The following ARID4A variants were observed in gnomAD, a reference collection of about 807,000 sequenced individuals.
ARID4A encodes AT-rich interaction domain 4A.
A neutral mutation model predicts 148.6 loss-of-function variants in ARID4A; 39 were observed. The observed-to-expected ratio is 0.26, with a 90% CI of 0.20 to 0.34. The LOEUF (loss-of-function observed/expected upper bound fraction) is 0.34, where lower values mean the gene tolerates loss of function less well. Among genes scored for constraint, ARID4A ranks in the 10% least tolerant of loss-of-function variants. The pLI is 1.00. For missense variants in ARID4A, 1,265 were observed against 1,449.1 expected (o/e 0.87, Z 2.06); for synonymous variants, 475 against 481.2 (o/e 0.99, Z 0.17).
chr14:58,316,829 C>T (rs2140158276), intron 5 of ARID4A, among the ~76,000 whole-genome samples: 1 of 152,210 alleles, frequency 6.6e-6, no homozygotes, highest in South Asian at 2.1e-4. Context: ...GTCCGCCCGC[C>T]TCGGCCTCCC....
chr14:58,314,987 C>T lies in ARID4A; in HGVS notation c.275-3555C>T, dbSNP rs187376429. On this transcript the variant is annotated intron_variant, in intron 5 of 23. Transcript: ENST00000355431. ...TACAGAAGTTAGCCGGGCCTGGTGA[C>T]GTGCACCTGTAATCCCAGCTACTTG... is the stretch of plus-strand genomic sequence containing the variant. Among the ~76,000 whole-genome samples, 25 of 152,080 alleles carry T rather than the reference C, an allele frequency of 1.6e-4. 1 individual carries two copies. In the South Asian group the frequency reaches 2.5e-3, roughly 15 times the overall value.
chr14:58,317,348 A>G (rs1310750269), intron 5 of ARID4A, among the ~76,000 whole-genome samples: 1 of 144,462 alleles, frequency 6.9e-6, no homozygotes, highest in East Asian at 2.1e-4. Context: ...GCAGTGGTGC[A>G]ATCTCGGCTC....
In ARID4A at chr14:58,324,371, G is replaced by T. The variant is rs539868670; in HGVS notation, c.582+754G>T. On this transcript the variant is annotated intron_variant, in intron 8 of 23. Transcript: ENST00000355431. ...GCTCACTGCAGCTTCAGCCTTTTGG[G>T]CTCAGGCGTTCCTCCTGTTTCAGCC... Among the ~76,000 whole-genome samples, 6 of 152,310 alleles carry T rather than the reference G, an allele frequency of 3.9e-5. No homozygotes were observed. The East Asian group carries it at 9.7e-4, about 25-fold the overall frequency.
chr14:58,328,715 C>T (rs926860335), intron 9 of ARID4A, among the ~76,000 whole-genome samples: 15 of 152,038 alleles, frequency 9.9e-5, no homozygotes, highest in African/African-American at 3.6e-4. Context: ...GACTTTTGGG[C>T]CGGGCGCAGT....
chr14:58,368,148 G>A (rs1246929594), intron 23 of ARID4A, among the ~76,000 whole-genome samples: 1 of 152,206 alleles, frequency 6.6e-6, no homozygotes, highest in Non-Finnish European at 1.5e-5. Flanking sequence ...ACCAGCCACA[G>A]CTGAGGGTAA....
At chr14:58,307,580 G>T (rs1247349000) in intron 5 of ARID4A, among the ~76,000 whole-genome samples, 4 of 152,172 alleles carry the variant, frequency 2.6e-5, no homozygotes, top group African/African-American at 9.7e-5. Context: ...AGCACTTTAG[G>T]GGGGCGAGGT....
At chr14:58,314,625 C>T (rs778734117) in intron 5 of ARID4A, among the ~76,000 whole-genome samples, 27 of 151,874 alleles carry the variant, frequency 1.8e-4, no homozygotes, top group Non-Finnish European at 3.8e-4. Flanking sequence ...GACGGGGTCT[C>T]GCTGTGTTAG....
intron 8 of ARID4A, 137 bp downstream of exon 8, chr14:58,323,754 A>G (rs964188670): frequency 1.4e-6 from 1 of 704,886 alleles, no homozygotes; most frequent in Non-Finnish European, 2.4e-6. Context: ...TTGAATAATC[A>G]TAGTCAGGTC....
At chr14:58,370,666 CA>C (rs1468702344) in intron 23 of ARID4A, among the ~76,000 whole-genome samples, 1 of 151,836 alleles carries the variant, frequency 6.6e-6, no homozygotes, top group Admixed American at 6.6e-5. Context: ...GACTGGAGTG[CA>C]GTGGCATGAT....
rs545972972 is a variant in ARID4A, at chr14:58,332,032, A to G, written c.906+1863A>G. Among the ~76,000 whole-genome samples the G allele has an allele frequency of 2.1e-5, 3 of 143,698 alleles. No homozygotes were observed. The East Asian group carries it at 6.8e-4, about 33-fold the overall frequency. 94.3% of individuals were successfully genotyped at this position (143,698 alleles called of 152,430 possible). ...CCAAAAAACCCTGAAATTTTAAACA[A>G]AGAGGGTAAAAAGAGCTTTGTAGGA... On this transcript the variant is annotated intron_variant, in intron 11 of 23. Coordinates refer to ENST00000355431, the MANE Select transcript of ARID4A (RefSeq NM_002892.4).
rs763954477 is a variant in ARID4A at position 58,364,264 on chromosome 14, A to T, written c.2175A>T (p.Glu725Asp). 2 of 1,543,528 alleles carry T rather than the reference A, an allele frequency of 1.3e-6. No individual in the cohort carries two copies. Among genetic ancestry groups the T allele is most frequent in the Admixed American group, 2.4e-5 (1 of 41,566 alleles). Residue 725 changes from glutamate (E) to aspartate (D), a missense_variant, in exon 20 of 24, where the codon GAA becomes GAT. By Grantham distance (45) the Glu-to-Asp change is conservative (BLOSUM62 2). Around this residue, in one of 9 missense-constraint regions of ARID4A, gnomAD observed 666 missense variants for 730.9 expected, o/e 0.91. Coordinates refer to ENST00000355431, the MANE Select transcript of ARID4A (RefSeq NM_002892.4). ...LSLKDELEKN[E>D]NLNDDKLDEE... Reference sequence around the variant, plus strand: ...TTAAAGATGAACTAGAAAAAAATGAAAATTTGAATGATGATAAGCTAGATG... The same window carrying T: ...TTAAAGATGAACTAGAAAAAAATGATAATTTGAATGATGATAAGCTAGATG...
At chr14:58,325,754 T>G (rs2033171853) in intron 8 of ARID4A, among the ~76,000 whole-genome samples, 1 of 152,200 alleles carries the variant, frequency 6.6e-6, no homozygotes, top group South Asian at 2.1e-4. Context: ...GATAATAGAT[T>G]TAATTTGTAT....
chr14:58,357,483 G>A (rs2034931410), intron 17 of ARID4A, among the ~76,000 whole-genome samples: 1 of 152,126 alleles, frequency 6.6e-6, no homozygotes, highest in East Asian at 1.9e-4. Context: ...CTATTAATAC[G>A]CTACAGTCTA....
At chr14:58,326,773 CT>C (rs2033237796) in intron 8 of ARID4A, among the ~76,000 whole-genome samples, 1 of 152,172 alleles carries the variant, frequency 6.6e-6, no homozygotes, top group Non-Finnish European at 1.5e-5. Context: ...CCTACTCATC[CT>C]TTAAAATTTA....
Position 58,365,602 on chromosome 14 carries a change from A to G in ARID4A, c.3296A>G (p.Lys1099Arg). The G allele has an allele frequency of 2.5e-6, 4 of 1,613,434 alleles. No homozygotes were observed. The highest frequency in any genetic ancestry group is 3.4e-6 in the Non-Finnish European group (4 of 1,179,592). ...RTPKRTSAAAKNEKNGTGQSS... is the reference protein window; with the variant it reads ...RTPKRTSAAARNEKNGTGQSS... Reference sequence around the variant, plus strand: ...CCAAAGCGAACAAGTGCTGCAGCCAAAAATGAAAAGAATGGAACAGGTTGG... The same window carrying G: ...CCAAAGCGAACAAGTGCTGCAGCCAGAAATGAAAAGAATGGAACAGGTTGG... The change falls in exon 21 of 24, where the codon AAA (lysine) becomes AGA (arginine). Residue 1099 changes from lysine to arginine, a missense_variant. Coordinates refer to ENST00000355431, the MANE Select transcript of ARID4A (RefSeq NM_002892.4).
At chr14:58,361,307 C>G (rs2035122534) in intron 19 of ARID4A, among the ~76,000 whole-genome samples, 1 of 151,724 alleles carries the variant, frequency 6.6e-6, no homozygotes, top group Non-Finnish European at 1.5e-5. Flanking sequence ...CAAGTCTAAA[C>G]ATGAAAATTA....
chr14:58,371,379 T>G (rs1246217280), intron 23 of ARID4A, among the ~76,000 whole-genome samples: 1 of 152,194 alleles, frequency 6.6e-6, no homozygotes, highest in African/African-American at 2.4e-5. Flanking sequence ...CTAATCTGTG[T>G]TATGTCCTCC....
chr14:58,335,069 A>G (rs374637268), intron 11 of ARID4A, among the ~76,000 whole-genome samples: 4 of 152,168 alleles, frequency 2.6e-5, no homozygotes, highest in East Asian at 3.9e-4. Context: ...TAAGGTCACC[A>G]GTGACTCCAA....
At chr14:58,363,660 C>T (rs1267809760) in intron 19 of ARID4A, among the ~76,000 whole-genome samples, 3 of 151,988 alleles carry the variant, frequency 2.0e-5, no homozygotes, top group African/African-American at 7.2e-5. Context: ...CACGCCACTG[C>T]ACTCTAGCCT....
Sources: allele counts gnomAD v4.1 joint callset (sites outside exome capture counted in the v4.1 genomes callset), GRCh38; gene constraint gnomAD v4.1.1; regional missense constraint gnomAD v4.1.1; transcripts MANE v1.5; gene names NCBI Gene and HGNC (gene_info 2026-07-23, HGNC 2026-07-21).